The following FER1L6 variants were observed in gnomAD, a reference collection of about 807,000 sequenced individuals.
FER1L6 encodes fer-1-like protein 6.
Under a neutral mutation model 219.2 loss-of-function variants are expected in FER1L6, and 177 were observed. That is an observed-to-expected ratio of 0.81 (90% CI 0.71 to 0.91). The LOEUF is 0.91. Among genes scored for constraint, FER1L6 ranks in the 40% least tolerant of loss-of-function variants. The pLI, the probability that FER1L6 is intolerant of heterozygous loss-of-function variation, is 0.00. For missense variants in FER1L6, 2,153 were observed against 2,259.9 expected, an observed-to-expected ratio of 0.95 and a Z score of 0.96; for synonymous variants, 768 against 824.3, an observed-to-expected ratio of 0.93 and a Z score of 1.17.
chr8:123,930,799 G>A (rs1372548190), intron 1 of FER1L6, among the ~76,000 whole-genome samples: 1 of 152,154 alleles, frequency 6.6e-6, no homozygotes, highest in Admixed American at 6.5e-5. Context: ...GACTTAATAA[G>A]CAGATGTTGC....
intron 2 of FER1L6, among the ~76,000 whole-genome samples, chr8:123,958,078 G>C (rs1013927430): frequency 6.6e-6 from 1 of 152,146 alleles, no homozygotes; most frequent in African/African-American, 2.4e-5. Context: ...CCCTAACCTA[G>C]CGATTAGTTA....
intron 1 of FER1L6, among the ~76,000 whole-genome samples, chr8:123,943,484 G>C (rs1375860980): frequency 6.6e-6 from 1 of 152,142 alleles, no homozygotes; most frequent in Admixed American, 6.5e-5. Flanking sequence ...GGAGCTGCCA[G>C]GTGCACACAC....
intron 39 of FER1L6, among the ~76,000 whole-genome samples, chr8:124,104,204 G>A (rs545368936): frequency 2.0e-5 from 3 of 152,244 alleles, no homozygotes; most frequent in South Asian, 2.1e-4. Flanking sequence ...TGCTGGAGAG[G>A]CTCCAGCCAG....
intron 1 of FER1L6, among the ~76,000 whole-genome samples, chr8:123,922,209 G>T (rs1161246497): frequency 1.3e-5 from 2 of 152,206 alleles, no homozygotes; most frequent in East Asian, 3.9e-4. Flanking sequence ...GCGTTGGCTG[G>T]TGGCTCACAT....
chr8:124,053,422 C>A (rs543660752), intron 22 of FER1L6, among the ~76,000 whole-genome samples: 1 of 152,330 alleles, frequency 6.6e-6, no homozygotes, highest in Non-Finnish European at 1.5e-5. Context: ...ATTAGGACTT[C>A]TTCTCTTTTG....
intron 39 of FER1L6, among the ~76,000 whole-genome samples, chr8:124,113,408 C>T (rs1024327179): frequency 5.9e-5 from 9 of 152,122 alleles, no homozygotes; most frequent in Non-Finnish European, 2.9e-5. Flanking sequence ...TGTCACTCTA[C>T]CCCTAAATAC....
chr8:124,085,930 G>A (rs969474785), intron 33 of FER1L6, among the ~76,000 whole-genome samples: 1 of 152,092 alleles, frequency 6.6e-6, no homozygotes, highest in African/African-American at 2.4e-5. Context: ...GTTATATCCT[G>A]TTGCTGAATT....
chr8:124,071,470 C>G, intron 30 of FER1L6, 36 bp from the exon 31 acceptor site: 1 of 1,612,012 alleles, frequency 6.2e-7, no homozygotes. Flanking sequence ...GACATATGAC[C>G]ATCTCATTTC....
At chr8:123,927,646 A>G (rs1168925339) in intron 1 of FER1L6, among the ~76,000 whole-genome samples, 1 of 152,212 alleles carries the variant, frequency 6.6e-6, no homozygotes, top group African/African-American at 2.4e-5. Flanking sequence ...TGTTTTTCTT[A>G]GAAGTTGTAC....
chr8:123,963,525 TA>T, intron 3 of FER1L6, 127 bp downstream of exon 3: 1 of 1,047,768 alleles, frequency 9.5e-7, no homozygotes, highest in Middle Eastern at 2.6e-4. Context: ...AGGCAAGGTC[TA>T]AGGCAGGAAG....
chr8:123,874,586 C>T (rs1345156976), intron 1 of FER1L6, among the ~76,000 whole-genome samples: 3 of 152,170 alleles, frequency 2.0e-5, no homozygotes, highest in Non-Finnish European at 4.4e-5. Context: ...GATACAACTC[C>T]CAATACCAAT....
chr8:124,017,740 C>T (rs1818263753), intron 16 of FER1L6, 22 bp downstream of exon 16: 1 of 1,590,160 alleles, frequency 6.3e-7, no homozygotes, highest in African/African-American at 1.3e-5. Context: ...TCTATTTATA[C>T]TTTGTGGACA....
In FER1L6 at chr8:123,960,576, C is replaced by G. The variant is rs750531601; in HGVS notation, c.77-2702C>G. On this transcript the variant is annotated intron_variant, in intron 2 of 40. Coordinates refer to ENST00000522917, the MANE Select transcript of FER1L6 (RefSeq NM_001039112.2). ...ACTTAGAAGAAGGCAGATGTATTCT[C>G]TCTCAGTTATGGAGGCCAAATGCTG... Among the ~76,000 whole-genome samples the G allele has an allele frequency of 1.0e-3, 154 of 152,300 alleles. 1 individual carries two copies. The highest frequency in any genetic ancestry group is 2.5e-3 in the Admixed American group (38 of 15,298).
At position 124,114,836 on chromosome 8, in the gene FER1L6, G is replaced by T. The variant is rs1286960373; in HGVS notation, c.5290-4008G>T. 2.0e-5 allele frequency among the ~76,000 whole-genome samples: 3 copies of T among 147,114 alleles called. No homozygotes were observed. The East Asian group carries it at 6.0e-4, about 29-fold the overall frequency. The stretch of plus-strand genomic sequence containing the variant: ...TATATGTATGTACATGCATGTATGT[G>T]GATGTAACTATATATACACTTAAAT... On this transcript the variant is annotated intron_variant, in intron 39 of 40. Transcript: ENST00000522917.
chr8:124,011,305 G>A (rs1057258962), intron 14 of FER1L6, among the ~76,000 whole-genome samples: 2 of 152,058 alleles, frequency 1.3e-5, no homozygotes, highest in African/African-American at 4.8e-5. Flanking sequence ...ACTTCCTCAG[G>A]GAAGAGTCTG....
At chr8:124,088,331 G>A (rs534104555) in intron 33 of FER1L6, among the ~76,000 whole-genome samples, 3 of 152,146 alleles carry the variant, frequency 2.0e-5, no homozygotes, top group African/African-American at 7.2e-5. Context: ...GGTGAGTACT[G>A]CCTGGCTACT....
chr8:123,953,132 T>G lies in FER1L6; in HGVS notation c.-7-2860T>G, dbSNP rs186526653. 5.1e-4 allele frequency among the ~76,000 whole-genome samples: 77 copies of G among 152,290 alleles called. 1 individual carries two copies. Among genetic ancestry groups the G allele is most frequent in the African/African-American group, 1.5e-3 (64 of 41,570 alleles). ...CCATGCCTCCTCTTACTGCTCCATG[T>G]CACAAGGCTGTGGAGAAGAAATCAA... On this transcript the variant is annotated intron_variant, in intron 1 of 40. Transcript: ENST00000522917.
intron 1 of FER1L6, among the ~76,000 whole-genome samples, chr8:123,861,285 T>C (rs1309016397): frequency 7.9e-6 from 1 of 127,100 alleles, no homozygotes; most frequent in Non-Finnish European, 1.6e-5. Flanking sequence ...AAAGATCAGA[T>C]AGTTGTAGGT....
chr8:123,964,063 C>T (rs896323162), intron 3 of FER1L6, among the ~76,000 whole-genome samples: 23 of 152,276 alleles, frequency 1.5e-4, no homozygotes, highest in Admixed American at 9.2e-4. Flanking sequence ...GATACCAGAT[C>T]CTCCGTCAGG....
Sources: gnomAD v4.1 joint callset for allele counts (sites outside exome capture counted in the v4.1 genomes callset) on GRCh38, gnomAD v4.1.1 for gene constraint, MANE v1.5 for transcripts, NCBI Gene and HGNC (gene_info 2026-07-23, HGNC 2026-07-21) for gene names.